Variants in LCLAT1 observed in about 807,000 individuals in gnomAD.
The protein encoded by LCLAT1 is 1-AGP acyltransferase 8.
A neutral mutation model predicts 30.7 loss-of-function variants in LCLAT1; 11 were observed. The observed-to-expected ratio is 0.36, with a 90% CI of 0.23 to 0.59. The LOEUF (loss-of-function observed/expected upper bound fraction) is 0.59. Among genes scored for constraint, LCLAT1 ranks in the 20% least tolerant of loss-of-function variants. The probability of loss-of-function intolerance (pLI) is 0.77; values close to 1 mark genes in which losing one functional copy is unlikely to be tolerated. For synonymous variants in LCLAT1, 155 were observed against 151.3 expected, an observed-to-expected ratio of 1.02 and a Z score of -0.18; for missense variants, 402 against 458.6, an observed-to-expected ratio of 0.88 and a Z score of 1.13.
intron 5 of LCLAT1, among the ~76,000 whole-genome samples, chr2:30,585,090 G>T (rs1246596066): frequency 1.3e-5 from 2 of 152,016 alleles, no homozygotes; most frequent in African/African-American, 2.4e-5. Flanking sequence ...ACGATGATGG[G>T]CTCATTTTTC....
chr2:30,497,796 A>T (rs1235306940), intron 1 of LCLAT1, among the ~76,000 whole-genome samples: 3 of 152,174 alleles, frequency 2.0e-5, no homozygotes, highest in Non-Finnish European at 4.4e-5. Flanking sequence ...CATTTCAGCG[A>T]TGCCAATAAC....
chr2:30,487,763 T>C (rs1009933055), intron 1 of LCLAT1, among the ~76,000 whole-genome samples: 1 of 152,082 alleles, frequency 6.6e-6, no homozygotes, highest in Admixed American at 6.6e-5. Context: ...TCTGAGAGAG[T>C]GACTCTTGGG....
chr2:30,567,199 A>G (rs1665527157), intron 4 of LCLAT1, among the ~76,000 whole-genome samples: 1 of 152,188 alleles, frequency 6.6e-6, no homozygotes, highest in Non-Finnish European at 1.5e-5. Context: ...AAATTTAGTT[A>G]TTAGCATTTT....
intron 3 of LCLAT1, among the ~76,000 whole-genome samples, chr2:30,536,108 G>T (rs1405111497): frequency 6.6e-6 from 1 of 152,086 alleles, no homozygotes; most frequent in African/African-American, 2.4e-5. Flanking sequence ...AACCCAGCTA[G>T]ATCAAAAGAA....
At chr2:30,617,363 G>A (rs1449278891) in intron 5 of LCLAT1, among the ~76,000 whole-genome samples, 1 of 152,146 alleles carries the variant, frequency 6.6e-6, no homozygotes, top group African/African-American at 2.4e-5. Context: ...TGAATCTGTA[G>A]TTTATTCCTT....
At chr2:30,565,167 A>T (rs1665417243) in intron 4 of LCLAT1, among the ~76,000 whole-genome samples, 1 of 152,128 alleles carries the variant, frequency 6.6e-6, no homozygotes, top group South Asian at 2.1e-4. Context: ...AGAGGTTGAG[A>T]TTTATTTTAA....
chr2:30,478,070 T>TAAAAAAAAAAAAA (rs79364091), intron 1 of LCLAT1, among the ~76,000 whole-genome samples: 1 of 114,986 alleles, frequency 8.7e-6, no homozygotes, highest in Non-Finnish European at 1.8e-5. Context: ...AGTGAGGGAT[T>TAAAAAAAAAAAAA]AAAAAAAAAA....
intron 1 of LCLAT1, among the ~76,000 whole-genome samples, chr2:30,507,443 TGTTA>T (rs774382221): frequency 6.6e-6 from 1 of 152,160 alleles, no homozygotes; most frequent in African/African-American, 2.4e-5. Context: ...GCCTAGTACC[TGTTA>T]GTTATTTTTC....
At chr2:30,598,373 G>C (rs1189937351) in intron 5 of LCLAT1, among the ~76,000 whole-genome samples, 2 of 151,172 alleles carry the variant, frequency 1.3e-5, no homozygotes, top group African/African-American at 4.9e-5. Context: ...GTCTTGGGAG[G>C]GTGTATGTGT....
intron 5 of LCLAT1, among the ~76,000 whole-genome samples, chr2:30,571,583 G>C (rs1370579743): frequency 6.6e-6 from 1 of 152,122 alleles, no homozygotes; most frequent in Non-Finnish European, 1.5e-5. Context: ...CCCATCTCTG[G>C]CTCACATTGC....
At chr2:30,517,934 C>T (rs1286618043) in intron 1 of LCLAT1, among the ~76,000 whole-genome samples, 3 of 152,174 alleles carry the variant, frequency 2.0e-5, no homozygotes, top group South Asian at 2.1e-4. Flanking sequence ...TAGCCAAAAG[C>T]GCTGAGGCCA....
intron 1 of LCLAT1, among the ~76,000 whole-genome samples, chr2:30,465,911 C>T (rs896418561): frequency 1.3e-5 from 2 of 151,846 alleles, no homozygotes; most frequent in African/African-American, 4.8e-5. Flanking sequence ...TAAAACTTTC[C>T]CCAAATTTTA....
intron 1 of LCLAT1, among the ~76,000 whole-genome samples, chr2:30,505,765 C>T (rs1471225068): frequency 6.6e-6 from 1 of 152,062 alleles, no homozygotes; most frequent in African/African-American, 2.4e-5. Flanking sequence ...TTTTGAACTT[C>T]AGATAAGAAG....
intron 3 of LCLAT1, among the ~76,000 whole-genome samples, chr2:30,539,273 T>TTTA (rs1491437455): frequency 1.3e-5 from 1 of 78,582 alleles, no homozygotes; most frequent in Non-Finnish European, 2.6e-5. Flanking sequence ...TTTTTTTTTT[T>TTTA]AAACAGGGTC....
intron 5 of LCLAT1, among the ~76,000 whole-genome samples, chr2:30,611,525 TTCTC>T (rs756576751): frequency 6.7e-4 from 102 of 152,236 alleles, no homozygotes; most frequent in Non-Finnish European, 1.2e-3. Flanking sequence ...TAACTGTTCT[TTCTC>T]TCTCCCCCTG....
intron 2 of LCLAT1, among the ~76,000 whole-genome samples, chr2:30,528,389 G>C (rs537485022): frequency 6.6e-6 from 1 of 152,290 alleles, no homozygotes; most frequent in East Asian, 1.9e-4. Flanking sequence ...TACAGTATTT[G>C]TACAGTTTCA....
intron 1 of LCLAT1, among the ~76,000 whole-genome samples, chr2:30,519,275 C>T (rs968125141): frequency 5.3e-5 from 8 of 152,180 alleles, no homozygotes; most frequent in Non-Finnish European, 8.8e-5. Context: ...AACTACAAAT[C>T]GTTCTTTAAA....
intron 3 of LCLAT1, among the ~76,000 whole-genome samples, chr2:30,546,284 A>C (rs1409082455): frequency 2.4e-4 from 36 of 152,216 alleles, no homozygotes; most frequent in Non-Finnish European, 1.5e-5. Context: ...GCCTCCCAGA[A>C]TATAAACTGC....
chr2:30,601,761 C>T (rs536968793), intron 5 of LCLAT1, among the ~76,000 whole-genome samples: 2 of 151,662 alleles, frequency 1.3e-5, no homozygotes, highest in Non-Finnish European at 2.9e-5. Flanking sequence ...AACAAAGTGA[C>T]ATAAATGTTG....
Sources: allele counts gnomAD v4.1 joint callset (sites outside exome capture counted in the v4.1 genomes callset), GRCh38; gene constraint gnomAD v4.1.1; transcripts MANE v1.5; gene names NCBI Gene and HGNC (gene_info 2026-07-23, HGNC 2026-07-21).